PELI1: variants seen among roughly 807,000 people sequenced by gnomAD.
The protein encoded by PELI1 is pellino E3 ubiquitin protein ligase 1.
PELI1 carries 15 observed loss-of-function variants against 41.3 expected under a neutral mutation model. The observed-to-expected ratio is 0.36, with a 90% CI of 0.24 to 0.56. PELI1 has a LOEUF of 0.56. PELI1 is among the 20% of genes least tolerant of loss of function. PELI1 has a pLI of 0.82. For missense variants in PELI1, 403 were observed against 525.5 expected (o/e 0.77, Z 2.28); for synonymous variants, 178 against 180.1 (o/e 0.99, Z 0.09).
Position 64,122,131 on chromosome 2 carries a change from C to T in PELI1, c.-69-13752G>A, listed in dbSNP as rs888403688. Among the ~76,000 whole-genome samples the T allele has an allele frequency of 4.0e-5, 6 of 151,406 alleles. 1 individual carries two copies. The highest frequency in any genetic ancestry group is 2.6e-4 in the Admixed American group (4 of 15,206). On this transcript the variant is annotated intron_variant, in intron 1 of 6. Coordinates refer to ENST00000358912, the MANE Select transcript of PELI1 (RefSeq NM_020651.4). ...AGTCAAATACAAAAACAAAACATAACCAAAACCTGAAGTAGTGTTCTTGGT... is the reference window on the plus strand; with the variant it reads ...AGTCAAATACAAAAACAAAACATAATCAAAACCTGAAGTAGTGTTCTTGGT...
intron 1 of PELI1, among the ~76,000 whole-genome samples, chr2:64,128,947 T>C (rs139475943): frequency 3.4e-4 from 51 of 152,234 alleles, no homozygotes; most frequent in Admixed American, 9.2e-4. Flanking sequence ...GTTTGATGAG[T>C]TTTTTGTTGC....
rs369692175 is a variant in PELI1 at position 64,096,405 on chromosome 2, C to G, written c.501+8G>C. 1.2e-3 allele frequency: 1,895 copies of G among 1,603,800 alleles called. 3 individuals carry two copies. The highest frequency in any genetic ancestry group is 2.8e-3 in the South Asian group (252 of 90,346). On this transcript the variant is annotated splice_region_variant and intron_variant, in intron 5 of 6. Transcript: ENST00000358912. Reference sequence around the variant, plus strand: ...AAGAAAGCATCATTTAGAAAAAAAGCTTTTTACCCCAAGAAAGATGTTTTT... The same window carrying G: ...AAGAAAGCATCATTTAGAAAAAAAGGTTTTTACCCCAAGAAAGATGTTTTT...
At position 64,095,290 on chromosome 2, in the gene PELI1, A is replaced by C. The variant is rs752071754; in HGVS notation, c.691-22T>G. The C allele has an allele frequency of 7.8e-6, 12 of 1,544,276 alleles. No homozygotes were observed. In the East Asian group the frequency reaches 2.2e-4, roughly 29 times the overall value. ...CCACCTAGAGGAGACAAGAGTTGAA[A>C]AACATATTCACCACTCTGTTTTGGA... is the stretch of plus-strand genomic sequence containing the variant. On this transcript the variant is annotated intron_variant, in intron 6 of 6. Transcript: ENST00000358912.
intron 1 of PELI1, among the ~76,000 whole-genome samples, chr2:64,121,016 C>G (rs1681190640): frequency 6.6e-6 from 1 of 152,212 alleles, no homozygotes; most frequent in Non-Finnish European, 1.5e-5. Context: ...CGGTAACTGT[C>G]CCATCCCCTG....
intron 1 of PELI1, among the ~76,000 whole-genome samples, chr2:64,128,789 A>G (rs181002906): frequency 1.3e-5 from 2 of 152,286 alleles, no homozygotes; most frequent in East Asian, 3.9e-4. Context: ...ATTTTCACAT[A>G]GTAACATTTG....
At chr2:64,118,316 C>T (rs141818169) in intron 1 of PELI1, among the ~76,000 whole-genome samples, 1 of 152,276 alleles carries the variant, frequency 6.6e-6, no homozygotes. Context: ...CCCAAAATTA[C>T]AACTTTTCTC....
At chr2:64,101,697 C>T (rs915747494) in intron 3 of PELI1, among the ~76,000 whole-genome samples, 2 of 152,130 alleles carry the variant, frequency 1.3e-5, no homozygotes, top group African/African-American at 4.8e-5. Flanking sequence ...CTTAAAACAA[C>T]AGCTTTAAGA....
At chr2:64,120,013 T>C (rs1371436893) in intron 1 of PELI1, among the ~76,000 whole-genome samples, 2 of 152,214 alleles carry the variant, frequency 1.3e-5, no homozygotes, top group Non-Finnish European at 2.9e-5. Flanking sequence ...ATCCCAGGCA[T>C]AAAAATAGGT....
At chr2:64,139,260 C>T (rs1307142912) in intron 1 of PELI1, among the ~76,000 whole-genome samples, 1 of 152,074 alleles carries the variant, frequency 6.6e-6, no homozygotes, top group Non-Finnish European at 1.5e-5. Flanking sequence ...CTATTTCTTG[C>T]TATTAATTTT....
Position 64,094,578 on chromosome 2 carries a change from T to A in PELI1, c.*124A>T, listed in dbSNP as rs576931205. On this transcript the variant is annotated 3_prime_UTR_variant, in exon 7 of 7. Transcript: ENST00000358912. ...TTGCTACTATTTATTATAAATGTTT[T>A]AAAAAATTCTTCATCTTAATGCAAA... The A allele has an allele frequency of 5.1e-6, 3 of 589,496 alleles. No homozygotes were observed. The South Asian group carries it at 9.3e-5, about 18-fold the overall frequency. The allele number at this position is 589,496 out of a possible 1,614,324, so 36.5% of individuals were successfully genotyped here. A position where few individuals can be genotyped will look rare whatever the true frequency, so the allele number is the denominator to read the frequency against.
chr2:64,112,416 C>T (rs143375531), intron 1 of PELI1, among the ~76,000 whole-genome samples: 2 of 152,188 alleles, frequency 1.3e-5, no homozygotes, highest in African/African-American at 2.4e-5. Flanking sequence ...AGTTCTATTG[C>T]GTCTATAGCA....
intron 1 of PELI1, among the ~76,000 whole-genome samples, chr2:64,112,218 A>C (rs1558478257): frequency 6.6e-6 from 1 of 152,192 alleles, no homozygotes; most frequent in Non-Finnish European, 1.5e-5. Flanking sequence ...TTAGTATATC[A>C]CATGGCTAGC....
At chr2:64,136,187 ACTG>A (rs1324388578) in intron 1 of PELI1, among the ~76,000 whole-genome samples, 3 of 152,106 alleles carry the variant, frequency 2.0e-5, no homozygotes, top group Non-Finnish European at 4.4e-5. Flanking sequence ...ATGAAAAACC[ACTG>A]CCACTTTTTT....
intron 1 of PELI1, among the ~76,000 whole-genome samples, chr2:64,134,777 G>C (rs1681662676): frequency 6.6e-6 from 1 of 152,122 alleles, no homozygotes; most frequent in South Asian, 2.1e-4. Context: ...AAATACTACG[G>C]ATAGTATCTG....
At chr2:64,107,859 G>GT (rs1680673556) in intron 2 of PELI1, among the ~76,000 whole-genome samples, 1 of 152,098 alleles carries the variant, frequency 6.6e-6, no homozygotes, top group Non-Finnish European at 1.5e-5. Context: ...TGTGTTTTTA[G>GT]TAGAGATGGG....
At position 64,121,982 on chromosome 2, in the gene PELI1, G is replaced by A. The variant is rs777753805; in HGVS notation, c.-69-13603C>T. Among the ~76,000 whole-genome samples the A allele has an allele frequency of 8.1e-4, 122 of 150,764 alleles. 1 individual carries two copies. The highest frequency in any genetic ancestry group is 4.3e-4 in the Non-Finnish European group (29 of 67,790). ...AATAATCGTATTCATAAAGAAAAAA[G>A]GGTTAGAATAAAATTTCTAAGCTTT... On this transcript the variant is annotated intron_variant, in intron 1 of 6. Coordinates refer to ENST00000358912, the MANE Select transcript of PELI1 (RefSeq NM_020651.4).
At position 64,110,697 on chromosome 2, in the gene PELI1, T is replaced by G. The variant is rs1680782513; in HGVS notation, c.-69-2318A>C. Among the ~76,000 whole-genome samples, 5 of 152,042 alleles carry G rather than the reference T, an allele frequency of 3.3e-5. No homozygotes were observed. In the South Asian group the frequency reaches 1.0e-3, roughly 32 times the overall value. ...AGGAAATAGTTCAGAAAGGCCAAGG[T>G]GGGAAGATCACTTGAGGTCAGGAGT... On this transcript the variant is annotated intron_variant, in intron 1 of 6. Transcript: ENST00000358912.
intron 1 of PELI1, among the ~76,000 whole-genome samples, chr2:64,124,983 G>A (rs538979628): frequency 2.0e-5 from 3 of 147,650 alleles, no homozygotes; most frequent in East Asian, 2.0e-4. Context: ...ACAGCTCACA[G>A]AAGAACAAGA....
intron 3 of PELI1, among the ~76,000 whole-genome samples, chr2:64,102,104 C>T (rs1049558151): frequency 1.3e-5 from 2 of 152,164 alleles, no homozygotes; most frequent in African/African-American, 4.8e-5. Flanking sequence ...GGATTACAGG[C>T]GTGAGCCATT....
Sources: gnomAD v4.1 joint callset for allele counts (sites outside exome capture counted in the v4.1 genomes callset) on GRCh38, gnomAD v4.1.1 for gene constraint, MANE v1.5 for transcripts, NCBI Gene and HGNC (gene_info 2026-07-23, HGNC 2026-07-21) for gene names.